The following ETFBKMT variants were observed in gnomAD, a reference collection of about 807,000 sequenced individuals.
ETFBKMT encodes electron transfer flavoprotein beta subunit lysine methyltransferase.
Under a neutral mutation model 18.3 loss-of-function variants are expected in ETFBKMT, and 13 were observed. That is an observed-to-expected ratio of 0.71 (90% CI 0.46 to 1.13). The LOEUF (loss-of-function observed/expected upper bound fraction) is 1.13, where lower values mean the gene tolerates loss of function less well. ETFBKMT is among the 50% of genes most tolerant of loss of function. The pLI is 0.00. For missense variants in ETFBKMT, 293 were observed against 306.2 expected (o/e 0.96, Z 0.32); for synonymous variants, 84 against 107.9 (o/e 0.78, Z 1.37).
At chr12:31,654,253 T>C (rs1481296309), upstream of ETFBKMT, among the ~76,000 whole-genome samples, 1 of 152,222 alleles carries the variant, frequency 6.6e-6, no homozygotes, top group Non-Finnish European at 1.5e-5. Context: ...TTTCACCATG[T>C]TGGCCAGGCT....
intron 3 of ETFBKMT, among the ~76,000 whole-genome samples, chr12:31,666,452 T>C (rs911244494): frequency 1.3e-5 from 2 of 152,300 alleles, no homozygotes; most frequent in South Asian, 4.1e-4. Flanking sequence ...CTTATGTTAA[T>C]TTATGGGCTA....
At chr12:31,662,468 C>G (rs1467867868) in intron 2 of ETFBKMT, among the ~76,000 whole-genome samples, 3 of 151,460 alleles carry the variant, frequency 2.0e-5, no homozygotes, top group Admixed American at 1.3e-4. Flanking sequence ...CAGAAACCGG[C>G]AAAACTCAGT....
chr12:31,650,835 T>C (rs759265935), intron 1 of ETFBKMT, among the ~76,000 whole-genome samples: 12 of 152,124 alleles, frequency 7.9e-5, no homozygotes, highest in Non-Finnish European at 1.5e-5. Context: ...AGCTCACTGT[T>C]TCACAGTGGA....
At chr12:31,667,114 C>G (rs1299778080) in intron 3 of ETFBKMT, among the ~76,000 whole-genome samples, 2 of 152,032 alleles carry the variant, frequency 1.3e-5, no homozygotes, top group African/African-American at 4.8e-5. Context: ...CCTGCCTCAG[C>G]CTCCCGAGTA....
intron 2 of ETFBKMT, among the ~76,000 whole-genome samples, chr12:31,665,775 G>A (rs189592750): frequency 2.5e-4 from 38 of 152,358 alleles, no homozygotes; most frequent in Admixed American, 6.5e-4. Context: ...GAAATAAAGG[G>A]ATGGGTTGGG....
At position 31,662,041 on chromosome 12, in the gene ETFBKMT, C is replaced by G. The variant is rs1291315371; in HGVS notation, c.88C>G (p.Pro30Ala). ...GCGAAGCAGTGGTCTTCTCTTGTTT[C>G]CCTGTGGCCAGTGTCCCTGGAGAGG... ...ALRSSGLLLF[P>A]CGQCPWRGAG... The change falls in exon 2 of 4, where the codon CCC becomes GCC. Residue 30 changes from proline to alanine, a missense_variant. Physicochemically the swap from Pro to Ala is conservative, Grantham distance 27. Transcript: ENST00000357721. 35 of 1,614,080 alleles carry G rather than the reference C, an allele frequency of 2.2e-5. No individual in the cohort carries two copies. The highest frequency in any genetic ancestry group is 3.0e-5 in the Non-Finnish European group (35 of 1,180,042).
In ETFBKMT at chr12:31,672,367, T is replaced by G; in HGVS notation, c.*4377T>G. On this transcript the variant is annotated 3_prime_UTR_variant, in exon 4 of 4. Transcript: ENST00000357721. Reference sequence around the variant, plus strand: ...GGCCTACTAATTGCTCCAACACTTCTCGGGAATGATCTATAAAAGAAAACA... The same window carrying G: ...GGCCTACTAATTGCTCCAACACTTCGCGGGAATGATCTATAAAAGAAAACA... 1 of 1,570,094 alleles carries G rather than the reference T, an allele frequency of 6.4e-7. No individual in the cohort carries two copies. Among genetic ancestry groups the G allele is most frequent in the Non-Finnish European group, 8.7e-7 (1 of 1,154,948 alleles).
At chr12:31,654,241 G>A (rs1056839681), upstream of ETFBKMT, among the ~76,000 whole-genome samples, 7 of 152,114 alleles carry the variant, frequency 4.6e-5, no homozygotes, top group African/African-American at 1.4e-4. Flanking sequence ...GTAGAGACAC[G>A]GTTTCACCAT....
At chr12:31,654,861 G>A (rs968145335), upstream of ETFBKMT, among the ~76,000 whole-genome samples, 5 of 152,026 alleles carry the variant, frequency 3.3e-5, no homozygotes, top group African/African-American at 1.2e-4. Context: ...TTAGAGACCA[G>A]CCTGGCTAAC....
At chr12:31,651,455 G>T (rs1951017579) in intron 1 of ETFBKMT, among the ~76,000 whole-genome samples, 2 of 151,794 alleles carry the variant, frequency 1.3e-5, no homozygotes, top group African/African-American at 2.4e-5. Context: ...TCAGCCTCCC[G>T]AATAGCAGGG....
At chr12:31,649,766 TTTC>T (rs1950998771) in intron 1 of ETFBKMT, among the ~76,000 whole-genome samples, 1 of 65,140 alleles carries the variant, frequency 1.5e-5, no homozygotes, top group African/African-American at 6.8e-5. Flanking sequence ...TTCTTTTCCT[TTTC>T]TTTTTTTTTT....
At chr12:31,648,836 C>T (rs886141681) in intron 1 of ETFBKMT, among the ~76,000 whole-genome samples, 1 of 152,154 alleles carries the variant, frequency 6.6e-6, no homozygotes. Context: ...GCTGGGATTA[C>T]AGGCGTGAGC....
rs1380633878 is a variant in ETFBKMT, at chr12:31,662,230, T to A, written c.277T>A (p.Trp93Arg). The A allele has an allele frequency of 6.2e-7, 1 of 1,614,254 alleles. No homozygotes were observed. Among genetic ancestry groups the A allele is most frequent in the Non-Finnish European group, 8.5e-7 (1 of 1,180,042 alleles). The change falls in exon 2 of 4, where the codon TGG (tryptophan) becomes AGG (arginine). Residue 93 changes from tryptophan (W) to arginine (R), a missense_variant. Trp to Arg is a moderately radical substitution (Grantham distance 101). Transcript: ENST00000357721. Reference sequence around the variant, plus strand: ...CCTGTGGCCCCACAGTGATCCTTACTGGGCAATCTACTGGCCAGGAGGCCA... The same window carrying A: ...CCTGTGGCCCCACAGTGATCCTTACAGGGCAATCTACTGGCCAGGAGGCCA... The part of the protein sequence containing the change: ...ADLWPHSDPY[W>R]AIYWPGGQAL...
At chr12:31,649,903 C>T (rs373311036) in intron 1 of ETFBKMT, among the ~76,000 whole-genome samples, 3 of 147,914 alleles carry the variant, frequency 2.0e-5, no homozygotes, top group East Asian at 2.0e-4. Flanking sequence ...ATTACAGGCA[C>T]GTACCACCAC....
At chr12:31,663,747 T>C (rs11051520) in intron 2 of ETFBKMT, among the ~76,000 whole-genome samples, 4 of 152,210 alleles carry the variant, frequency 2.6e-5, no homozygotes, top group Non-Finnish European at 5.9e-5. Flanking sequence ...TGGCCTTTTA[T>C]ATGTTTTTTC....
chr12:31,658,284 C>T (rs1270729288), upstream of ETFBKMT, among the ~76,000 whole-genome samples: 5 of 152,060 alleles, frequency 3.3e-5, no homozygotes, highest in Non-Finnish European at 7.4e-5. Flanking sequence ...ACATCAGCAA[C>T]TAATTAAGAA....
At position 31,673,057 on chromosome 12, in the gene ETFBKMT, C is replaced by T. The variant is rs1487531026; in HGVS notation, c.*5067C>T. The T allele has an allele frequency of 6.6e-6, 1 of 151,904 alleles. No individual in the cohort carries two copies. The highest frequency in any genetic ancestry group is 1.5e-5 in the Non-Finnish European group (1 of 67,986). The allele number at this position is 151,904 out of a possible 1,614,324, so 9.4% of individuals were successfully genotyped here. The stretch of plus-strand genomic sequence containing the variant: ...ACAGTCGTGATTTTGATATGGTTTC[C>T]ATCCTAGTTTTAGGATGTCTTTTAA... On this transcript the variant is annotated 3_prime_UTR_variant, in exon 4 of 4. Coordinates refer to ENST00000357721, the MANE Select transcript of ETFBKMT (RefSeq NM_001135863.2).
rs1454619127 is a variant in ETFBKMT at position 31,672,996 on chromosome 12, A to G, written c.*5006A>G. ...CACTGTAATTTAACCAATCTATATT[A>G]TTGGACATTTAGATGTTTTCAGTTT... On this transcript the variant is annotated 3_prime_UTR_variant, in exon 4 of 4. Coordinates refer to ENST00000357721, the MANE Select transcript of ETFBKMT (RefSeq NM_001135863.2). The G allele has an allele frequency of 1.3e-5, 2 of 152,304 alleles. No homozygotes were observed. The highest frequency in any genetic ancestry group is 2.4e-5 in the African/African-American group (1 of 41,460). The allele number at this position is 152,304 out of a possible 1,614,324, so 9.4% of individuals were successfully genotyped here.
chr12:31,672,125 A>C lies in ETFBKMT; in HGVS notation c.*4135A>C, dbSNP rs1951285649. ...TAATAGCACTTTAAAGATGTTTAAG[A>C]GTAAAGCACAAACCATGTATATACC... On this transcript the variant is annotated 3_prime_UTR_variant, in exon 4 of 4. Transcript: ENST00000357721. 1 of 529,322 alleles carries C rather than the reference A, an allele frequency of 1.9e-6. No individual in the cohort carries two copies. The highest frequency in any genetic ancestry group is 3.3e-5 in the Admixed American group (1 of 30,442). The allele number at this position is 529,322 out of a possible 1,614,324, so 32.8% of individuals were successfully genotyped here.
Sources: gnomAD v4.1 joint callset for allele counts (sites outside exome capture counted in the v4.1 genomes callset) on GRCh38, gnomAD v4.1.1 for gene constraint, MANE v1.5 for transcripts, NCBI Gene and HGNC (gene_info 2026-07-23, HGNC 2026-07-21) for gene names.